MAGEB18: variants seen among roughly 807,000 people sequenced by gnomAD.
MAGEB18 encodes melanoma-associated antigen B18.
In MAGEB18, 6 loss-of-function variants were observed where a neutral mutation model predicts 6.3. The observed-to-expected ratio is 0.95, with a 90% CI of 0.52 to 1.87. MAGEB18 has a LOEUF of 1.87. MAGEB18 is among the 40% of genes most tolerant of loss of function. The probability of loss-of-function intolerance (pLI) is 0.01; values close to 1 mark genes in which losing one functional copy is unlikely to be tolerated. For synonymous variants in MAGEB18, 93 were observed against 97.0 expected (o/e 0.96, Z 0.24); for missense variants, 228 against 265.4 (o/e 0.86, Z 0.98).
Position 26,139,379 on chromosome X carries a change from G to T in MAGEB18, c.394G>T (p.Asp132Tyr). ...YETKEPITKG[D>Y]MIKFVIRKDK... ...AACGAAAGAGCCAATTACAAAGGGAGATATGATAAAGTTTGTTATCAGGAA... is the reference window on the plus strand; with the variant it reads ...AACGAAAGAGCCAATTACAAAGGGATATATGATAAAGTTTGTTATCAGGAA... The change falls in exon 2 of 3, where the codon GAT becomes TAT. Residue 132 changes from aspartate (D) to tyrosine (Y), a missense_variant. Transcript: ENST00000325250. The T allele has an allele frequency of 8.4e-7, 1 of 1,194,582 alleles. No homozygotes were observed. The highest frequency in any genetic ancestry group is 1.1e-6 in the Non-Finnish European group (1 of 886,427).
In MAGEB18 at chrX:26,139,467, G is replaced by C; in HGVS notation, c.482G>C (p.Gly161Ala). ...TCTGAGCACATGGAGCTGGCACTTG[G>C]TGTTGATTTGAAGGAAGTGGATCCC... ...RASEHMELAL[G>A]VDLKEVDPIR... Residue 161 changes from glycine (G) to alanine (A), a missense_variant, in exon 2 of 3, where the codon GGT becomes GCT. Physicochemically the swap from Gly to Ala is moderately conservative, Grantham distance 60. Transcript: ENST00000325250. 8.3e-7 allele frequency: 1 copy of C among 1,207,209 alleles called. No homozygotes were observed. The highest frequency in any genetic ancestry group is 1.1e-6 in the Non-Finnish European group (1 of 893,253).
At chrX:26,138,688 C>T (rs1234198091) in intron 1 of MAGEB18, among the ~76,000 whole-genome samples, 3 of 111,585 alleles carry the variant, frequency 2.7e-5, no homozygotes, top group Non-Finnish European at 3.8e-5. Flanking sequence ...ACGGAGGACT[C>T]AAAAGACTAA....
chrX:26,139,664 G>A lies in MAGEB18; in HGVS notation c.679G>A (p.Gly227Ser). The change falls in exon 2 of 3, where the codon GGT (glycine) becomes AGT (serine). Residue 227 changes from glycine (G) to serine (S), a missense_variant. By Grantham distance (56) the Gly-to-Ser change is moderately conservative (BLOSUM62 0). Transcript: ENST00000325250. ...EAVWEIMNMM[G>S]VYADRKHFLY... ...AGTCTGGGAAATTATGAATATGATG[G>A]GTGTATATGCCGATAGGAAGCACTT... 1 of 1,208,872 alleles carries A rather than the reference G, an allele frequency of 8.3e-7. No individual in the cohort carries two copies. Among genetic ancestry groups the A allele is most frequent in the Non-Finnish European group, 1.1e-6 (1 of 893,919 alleles).
At chrX:26,138,779 C>T (rs1037259929) in intron 1 of MAGEB18, 145 bp from the exon 2 acceptor site, 3 of 389,208 alleles carry the variant, frequency 7.7e-6, no homozygotes, top group Non-Finnish European at 1.3e-5. Flanking sequence ...TGTGACAACC[C>T]CCCACAGAAC....
rs1420141621 is a variant in MAGEB18, at chrX:26,140,567, G to C, written c.*424G>C. 1 of 112,011 alleles carries C rather than the reference G, an allele frequency of 8.9e-6. No homozygotes were observed. The allele number at this position is 112,011 out of a possible 1,213,427, so 9.2% of individuals were successfully genotyped here. On this transcript the variant is annotated 3_prime_UTR_variant, in exon 3 of 3. Coordinates refer to ENST00000325250, the MANE Select transcript of MAGEB18 (RefSeq NM_173699.4). ...GGTATTTCCTTAAAAAATGTGAGAT[G>C]ATTTAGCAGTAAAATTTTGGAGATC...
In MAGEB18 at chrX:26,139,656, A is replaced by G. The variant is rs141579492; in HGVS notation, c.671A>G (p.Asn224Ser). Reference sequence around the variant, plus strand: ...GAAGAGGCAGTCTGGGAAATTATGAATATGATGGGTGTATATGCCGATAGG... The same window carrying G: ...GAAGAGGCAGTCTGGGAAATTATGAGTATGATGGGTGTATATGCCGATAGG... ...APEEAVWEIM[N>S]MMGVYADRKH... Residue 224 changes from asparagine (N) to serine (S), a missense_variant, in exon 2 of 3, where the codon AAT becomes AGT. Asn to Ser is a conservative substitution (Grantham distance 46, BLOSUM62 1). Coordinates refer to ENST00000325250, the MANE Select transcript of MAGEB18 (RefSeq NM_173699.4). The G allele has an allele frequency of 2.6e-4, 310 of 1,206,868 alleles. 1 individual carries two copies. In the Middle Eastern group the frequency reaches 5.3e-3, roughly 21 times the overall value.
In MAGEB18 at chrX:26,139,545, C is replaced by G. The variant is rs368977387; in HGVS notation, c.560C>G (p.Thr187Arg). 115 of 1,204,538 alleles carry G rather than the reference C, an allele frequency of 9.5e-5. No homozygotes were observed. Among genetic ancestry groups the G allele is most frequent in the Non-Finnish European group, 1.2e-5 (11 of 892,374 alleles). ...FSKLDLTYDE[T>R]TSDEEKIPKT... ...AAATTAGACCTCACCTATGATGAAA[C>G]AACCAGTGATGAAGAAAAAATTCCC... is the stretch of plus-strand genomic sequence containing the variant. Residue 187 changes from threonine (T) to arginine (R), a missense_variant, in exon 2 of 3, where the codon ACA becomes AGA. Thr to Arg is a moderately conservative substitution (Grantham distance 71). Coordinates refer to ENST00000325250, the MANE Select transcript of MAGEB18 (RefSeq NM_173699.4).
At position 26,139,174 on chromosome X, in the gene MAGEB18, G is replaced by A. The variant is rs1396873546; in HGVS notation, c.189G>A (p.Ala63=). ...CTGAGACACCTAGCATCCCTGAAGC[G>A]CTTCAGGGAGCCCCATCCACCACCA... ...PAAETPSIPE[A]LQGAPSTTNA... The change falls in exon 2 of 3, where the codon GCG becomes GCA. Residue 63 remains alanine (A), a synonymous_variant. Coordinates refer to ENST00000325250, the MANE Select transcript of MAGEB18 (RefSeq NM_173699.4). 6 of 1,208,308 alleles carry A rather than the reference G, an allele frequency of 5.0e-6. No homozygotes were observed. The highest frequency in any genetic ancestry group is 2.3e-4 in the Middle Eastern group (1 of 4,372).
chrX:26,138,683 G>T (rs28697185), intron 1 of MAGEB18, among the ~76,000 whole-genome samples: 1,966 of 111,466 alleles, frequency 0.018, 38 homozygotes, highest in African/African-American at 0.061. Flanking sequence ...AACAGACGGA[G>T]GACTCAAAAG....
rs142525021 is a variant in MAGEB18, at chrX:26,139,775, C to A, written c.790C>A (p.Pro264Thr). 18 of 1,211,737 alleles carry A rather than the reference C, an allele frequency of 1.5e-5. No homozygotes were observed. The highest frequency in any genetic ancestry group is 1.9e-5 in the Non-Finnish European group (17 of 895,383). The change falls in exon 2 of 3, where the codon CCT becomes ACT. Residue 264 changes from proline (P) to threonine (T), a missense_variant. Transcript: ENST00000325250. ...GTACCAGCAAGTGCCCAACAGTGAT[C>A]CTCCACGCTATGAATTCCTGTGGGG... ...LEYQQVPNSD[P>T]PRYEFLWGPR...
Position 26,138,923 on chromosome X carries a change from G to T in MAGEB18, c.-62-1G>T. The T allele has an allele frequency of 1.1e-6, 1 of 952,087 alleles. No homozygotes were observed. Among genetic ancestry groups the T allele is most frequent in the Admixed American group, 3.0e-5 (1 of 33,324 alleles). The allele number at this position is 952,087 out of a possible 1,213,427, so 78.5% of individuals were successfully genotyped here. On this transcript the variant is annotated splice_acceptor_variant, in intron 1 of 2. Transcript: ENST00000325250. LOFTEE classifies it low-confidence loss of function (5UTR_SPLICE). ...ACACTATCTCATCCTCCGTCTTCTA[G>T]GGTGCCCTCTTCATCAATTCAACTG...
rs1569246703 is a variant in MAGEB18 at position 26,138,992 on chromosome X, C to T, written c.7C>T (p.Arg3Ter). 3.3e-6 allele frequency: 4 copies of T among 1,194,935 alleles called. No individual in the cohort carries two copies. In the East Asian group the frequency reaches 1.2e-4, roughly 35 times the overall value. The part of the protein sequence containing the change: MP[R>*]GQKSKLRARE... ...GTCCCTGACAAGAGTAATTATGCCT[C>T]GAGGTCAGAAGAGTAAGCTCCGTGC... Residue 3 changes from arginine to a stop codon, truncating the protein, a stop_gained, in exon 2 of 3, where the codon CGA becomes TGA. Coordinates refer to ENST00000325250, the MANE Select transcript of MAGEB18 (RefSeq NM_173699.4). LOFTEE classifies it high-confidence loss of function.
rs1485528379 is a variant in MAGEB18 at position 26,138,910 on chromosome X, C to T, written c.-62-14C>T. The T allele has an allele frequency of 1.4e-5, 12 of 856,651 alleles. No individual in the cohort carries two copies. Among genetic ancestry groups the T allele is most frequent in the Non-Finnish European group, 2.0e-5 (12 of 613,461 alleles). 70.6% of individuals were successfully genotyped at this position (856,651 alleles called of 1,213,427 possible). ...ACCAAGGCTGTGAACACTATCTCAT[C>T]CTCCGTCTTCTAGGGTGCCCTCTTC... is the stretch of plus-strand genomic sequence containing the variant. On this transcript the variant is annotated splice_polypyrimidine_tract_variant and intron_variant, in intron 1 of 2. Coordinates refer to ENST00000325250, the MANE Select transcript of MAGEB18 (RefSeq NM_173699.4).
Position 26,139,351 on chromosome X carries a change from T to C in MAGEB18, c.366T>C (p.Tyr122=). The part of the protein sequence containing the change: ...VSLVHFLLQK[Y]ETKEPITKGD... The stretch of plus-strand genomic sequence containing the variant: ...TGGTGCATTTCTTGCTTCAGAAGTA[T>C]GAAACGAAAGAGCCAATTACAAAGG... Residue 122 remains tyrosine (Y), a synonymous_variant, in exon 2 of 3, where the codon TAT becomes TAC. Coordinates refer to ENST00000325250, the MANE Select transcript of MAGEB18 (RefSeq NM_173699.4). 1.7e-6 allele frequency: 2 copies of C among 1,200,381 alleles called. No homozygotes were observed. Among genetic ancestry groups the C allele is most frequent in the Non-Finnish European group, 2.2e-6 (2 of 889,509 alleles).
Position 26,139,688 on chromosome X carries a change from T to C in MAGEB18, c.703T>C (p.Phe235Leu). The C allele has an allele frequency of 8.3e-7, 1 of 1,210,931 alleles. No homozygotes were observed. The highest frequency in any genetic ancestry group is 3.0e-5 in the East Asian group (1 of 33,801). The change falls in exon 2 of 3, where the codon TTC (phenylalanine) becomes CTC (leucine). Residue 235 changes from phenylalanine (F) to leucine (L), a missense_variant. Coordinates refer to ENST00000325250, the MANE Select transcript of MAGEB18 (RefSeq NM_173699.4). Reference sequence around the variant, plus strand: ...GGGTGTATATGCCGATAGGAAGCACTTCCTCTATGGGGATCCCAGGAAGGT... The same window carrying C: ...GGGTGTATATGCCGATAGGAAGCACCTCCTCTATGGGGATCCCAGGAAGGT... ...MMGVYADRKH[F>L]LYGDPRKVMT...
In MAGEB18 at chrX:26,139,391, TTTG is replaced by T; in HGVS notation, c.409_411del (p.Val137del). 8.4e-7 allele frequency: 1 copy of T among 1,192,904 alleles called. No homozygotes were observed. Reference sequence around the variant, plus strand: ...AATTACAAAGGGAGATATGATAAAGTTTGTTATCAGGAAGGATAAGTGTCACTT... The same window carrying T: ...AATTACAAAGGGAGATATGATAAAGTTTATCAGGAAGGATAAGTGTCACTT... On this transcript the variant is annotated inframe_deletion, in exon 2 of 3. Coordinates refer to ENST00000325250, the MANE Select transcript of MAGEB18 (RefSeq NM_173699.4).
At position 26,139,507 on chromosome X, in the gene MAGEB18, T is replaced by C. The variant is rs1290004185; in HGVS notation, c.522T>C (p.Tyr174=). Residue 174 remains tyrosine, a synonymous_variant, in exon 2 of 3, where the codon TAT becomes TAC. Transcript: ENST00000325250. ...AAGTGGATCCCATCAGGCACTACTA[T>C]GCCTTTTTCAGCAAATTAGACCTCA... The part of the protein sequence containing the change: ...LKEVDPIRHY[Y]AFFSKLDLTY... The C allele has an allele frequency of 2.5e-6, 3 of 1,208,476 alleles. No individual in the cohort carries two copies. The highest frequency in any genetic ancestry group is 3.6e-5 in the South Asian group (2 of 56,190).
chrX:26,139,623 G>T lies in MAGEB18; in HGVS notation c.638G>T (p.Arg213Leu). The change falls in exon 2 of 3, where the codon CGT becomes CTT. Residue 213 changes from arginine (R) to leucine (L), a missense_variant. Coordinates refer to ENST00000325250, the MANE Select transcript of MAGEB18 (RefSeq NM_173699.4). ...ALGVIFLNGN[R>L]APEEAVWEIM... ...GGTGTGATCTTTCTGAATGGCAACCGTGCCCCAGAAGAGGCAGTCTGGGAA... is the reference window on the plus strand; with the variant it reads ...GGTGTGATCTTTCTGAATGGCAACCTTGCCCCAGAAGAGGCAGTCTGGGAA... The T allele has an allele frequency of 8.3e-7, 1 of 1,208,125 alleles. No homozygotes were observed. Among genetic ancestry groups the T allele is most frequent in the Middle Eastern group, 2.3e-4 (1 of 4,353 alleles).
At position 26,139,813 on chromosome X, in the gene MAGEB18, C is replaced by A. The variant is rs751770024; in HGVS notation, c.828C>A (p.His276Gln). The A allele has an allele frequency of 8.3e-7, 1 of 1,211,513 alleles. No homozygotes were observed. The highest frequency in any genetic ancestry group is 2.2e-5 in the Admixed American group (1 of 46,005). The change falls in exon 2 of 3, where the codon CAC becomes CAA. Residue 276 changes from histidine (H) to glutamine (Q), a missense_variant. His to Gln is a conservative substitution (Grantham distance 24). Transcript: ENST00000325250. ...RYEFLWGPRA[H>Q]AETSKMKVLE... ...AATTCCTGTGGGGTCCAAGAGCTCA[C>A]GCTGAAACTAGCAAGATGAAAGTCC...
Sources: allele counts gnomAD v4.1 joint callset (sites outside exome capture counted in the v4.1 genomes callset), GRCh38; gene constraint gnomAD v4.1.1; transcripts MANE v1.5; gene names NCBI Gene and HGNC (gene_info 2026-07-23, HGNC 2026-07-21).